Variants in C12orf43 observed in about 807,000 individuals in gnomAD.
C12orf43 encodes the protein chromosome 12 open reading frame 43, also known as protein CUSTOS.
In C12orf43, 15 loss-of-function variants were observed where a neutral mutation model predicts 20.6. That is an observed-to-expected ratio of 0.73 (90% CI 0.49 to 1.12). The LOEUF (loss-of-function observed/expected upper bound fraction) is 1.12, where lower values mean the gene tolerates loss of function less well. Ranked by LOEUF, C12orf43 falls within the 50% of genes most tolerant of loss-of-function variation. The pLI is 0.00. For missense variants in C12orf43, 334 were observed against 344.4 expected (o/e 0.97, Z 0.24); for synonymous variants, 144 against 130.8 (o/e 1.10, Z -0.69).
At chr12:121,013,672 A>G (rs1207410385) in intron 1 of C12orf43, among the ~76,000 whole-genome samples, 1 of 152,220 alleles carries the variant, frequency 6.6e-6, no homozygotes, top group Non-Finnish European at 1.5e-5. Flanking sequence ...TGGATTTAAG[A>G]GCTGTCTCTA....
rs999280434 is a variant in C12orf43, at chr12:121,005,284, A to C, written c.362-191T>G. Among the ~76,000 whole-genome samples, 1 of 152,060 alleles carries C rather than the reference A, an allele frequency of 6.6e-6. No homozygotes were observed. The highest frequency in any genetic ancestry group is 2.4e-5 in the African/African-American group (1 of 41,442). ...AAAAATTTAAAAAAGAAACAATAACAAAAAAACCCAACCAAGCAAACAAAC... is the reference window on the plus strand; with the variant it reads ...AAAAATTTAAAAAAGAAACAATAACCAAAAAACCCAACCAAGCAAACAAAC... On this transcript the variant is annotated intron_variant, in intron 4 of 5. Transcript: ENST00000288757. This position sits in a 1 kb window ranked among gnomAD's most constrained non-coding sequence, Gnocchi z 5.6.
chr12:121,016,485 C>T lies in C12orf43; in HGVS notation c.-11G>A, dbSNP rs771694597. 6.2e-7 allele frequency: 1 copy of T among 1,613,950 alleles called. No homozygotes were observed. The highest frequency in any genetic ancestry group is 1.1e-5 in the South Asian group (1 of 91,082). On this transcript the variant is annotated 5_prime_UTR_variant, in exon 1 of 6. Transcript: ENST00000288757. ...ACTGGGCGCCGCCATCTTGAACCAC[C>T]GCAAAGGATTGTGGAGAACACCGCC...
rs1051007492 is a variant in C12orf43, at chr12:121,006,402, G to C, written c.288-8C>G. 6.2e-7 allele frequency: 1 copy of C among 1,613,174 alleles called. No individual in the cohort carries two copies. The highest frequency in any genetic ancestry group is 1.3e-5 in the African/African-American group (1 of 74,872). On this transcript the variant is annotated splice_polypyrimidine_tract_variant and splice_region_variant and intron_variant, in intron 3 of 5. Transcript: ENST00000288757. ...TCTGAGATGGTAATGAAGCTACAGG[G>C]AGACGAGACGGTTGATTTAAGATGA...
rs1265384749 is a variant in C12orf43, at chr12:121,010,867, C to T, written c.248G>A (p.Arg83Gln). The T allele has an allele frequency of 4.3e-6, 7 of 1,614,068 alleles. No individual in the cohort carries two copies. Among genetic ancestry groups the T allele is most frequent in the African/African-American group, 1.3e-5 (1 of 75,032 alleles). Residue 83 changes from arginine to glutamine, a missense_variant, in exon 3 of 6, where the codon CGA (arginine) becomes CAA (glutamine). Coordinates refer to ENST00000288757, the MANE Select transcript of C12orf43 (RefSeq NM_022895.3). ...TCCCAGCTTCTTGGCTACGTGGGCTCGGAATTCAGGGGTGGTCTGAAGCTC... is the reference window on the plus strand; with the variant it reads ...TCCCAGCTTCTTGGCTACGTGGGCTTGGAATTCAGGGGTGGTCTGAAGCTC... ...GNELQTTPEFRAHVAKKLGAL... is the reference protein window; with the variant it reads ...GNELQTTPEFQAHVAKKLGAL...
intron 1 of C12orf43, chr12:121,012,491 G>A (rs761619920): frequency 1.4e-6 from 1 of 702,502 alleles, no homozygotes; most frequent in South Asian, 1.5e-5. Flanking sequence ...GCAAAGGCAG[G>A]AACACGGAGT....
Position 121,016,437 on chromosome 12 carries a change from C to T in C12orf43, c.38G>A (p.Ser13Asn), listed in dbSNP as rs748136858. The T allele has an allele frequency of 1.5e-5, 25 of 1,613,996 alleles. No individual in the cohort carries two copies. The highest frequency in any genetic ancestry group is 4.4e-5 in the South Asian group (4 of 91,096). Residue 13 changes from serine (S) to asparagine (N), a missense_variant, in exon 1 of 6, where the codon AGT becomes AAT. Ser to Asn is a conservative substitution (Grantham distance 46). Transcript: ENST00000288757. ...APSGTVSDSE[S>N]SNSSSDAEEL... ...CTCCGCATCGCTACTGCTGTTACTA[C>T]TTTCCGAATCGCTCACTGTGCCACT...
At position 121,003,546 on chromosome 12, in the gene C12orf43, A is replaced by G. The variant is rs967841200; in HGVS notation, c.*607T>C. 1 of 152,572 alleles carries G rather than the reference A, an allele frequency of 6.6e-6. No homozygotes were observed. Among genetic ancestry groups the G allele is most frequent in the African/African-American group, 2.4e-5 (1 of 41,450 alleles). The allele number at this position is 152,572 out of a possible 1,614,324, so 9.5% of individuals were successfully genotyped here. On this transcript the variant is annotated 3_prime_UTR_variant, in exon 6 of 6. Transcript: ENST00000288757. ...TGGGTCCTCTGACAATTGAGTTTCCATAATCTGGTCGGCTCAGAGACACCA... is the reference window on the plus strand; with the variant it reads ...TGGGTCCTCTGACAATTGAGTTTCCGTAATCTGGTCGGCTCAGAGACACCA...
rs778047048 is a variant in C12orf43, at chr12:121,006,292, G to T, written c.361+29C>A. 16 of 1,578,676 alleles carry T rather than the reference G, an allele frequency of 1.0e-5. No homozygotes were observed. The South Asian group carries it at 1.6e-4, about 15-fold the overall frequency. Reference sequence around the variant, plus strand: ...GACACACATTAGGTGCTTAATAAATGATAGCTTCTATTAAGTATAACCACT... The same window carrying T: ...GACACACATTAGGTGCTTAATAAATTATAGCTTCTATTAAGTATAACCACT... On this transcript the variant is annotated intron_variant, in intron 4 of 5. Transcript: ENST00000288757.
intron 1 of C12orf43, 28 bp downstream of exon 1, chr12:121,016,302 G>T: frequency 1.2e-6 from 2 of 1,612,794 alleles, no homozygotes; most frequent in Non-Finnish European, 1.7e-6. Flanking sequence ...ACGCCCCTCA[G>T]CCAGTCTCCC....
Position 121,000,972 on chromosome 12 carries a change from C to A in C12orf43, c.*3181G>T. On this transcript the variant is annotated 3_prime_UTR_variant, in exon 6 of 6. Coordinates refer to ENST00000288757, the MANE Select transcript of C12orf43 (RefSeq NM_022895.3). ...TCTGCTGTGATCCAGGAGGTGTGGCCCTGCCTCCCCATCCTGAGTACCCCT... is the reference window on the plus strand; with the variant it reads ...TCTGCTGTGATCCAGGAGGTGTGGCACTGCCTCCCCATCCTGAGTACCCCT... 6.4e-7 allele frequency: 1 copy of A among 1,552,224 alleles called. No homozygotes were observed. The highest frequency in any genetic ancestry group is 8.8e-7 in the Non-Finnish European group (1 of 1,135,138).
At position 121,003,868 on chromosome 12, in the gene C12orf43, T is replaced by C; in HGVS notation, c.*285A>G. ...TAGTCTCAAATAACTGGAAGGTTCC[T>C]TTTTTCCTGAGGTCATGAAATGTTC... On this transcript the variant is annotated 3_prime_UTR_variant, in exon 6 of 6. Coordinates refer to ENST00000288757, the MANE Select transcript of C12orf43 (RefSeq NM_022895.3). 2.0e-6 allele frequency: 1 copy of C among 495,036 alleles called. No homozygotes were observed. The highest frequency in any genetic ancestry group is 2.3e-5 in the South Asian group (1 of 42,718). 30.7% of individuals were successfully genotyped at this position (495,036 alleles called of 1,614,324 possible). A position where few individuals can be genotyped will look rare whatever the true frequency, so the allele number is the denominator to read the frequency against.
In C12orf43 at chr12:121,002,504, C is replaced by T. The variant is rs56335342; in HGVS notation, c.*1649G>A. The T allele has an allele frequency of 7.3e-4, 372 of 509,768 alleles. 1 individual carries two copies. Among genetic ancestry groups the T allele is most frequent in the Non-Finnish European group, 1.2e-3 (319 of 259,796 alleles). 31.6% of individuals were successfully genotyped at this position (509,768 alleles called of 1,614,324 possible). The stretch of plus-strand genomic sequence containing the variant: ...CTTTTAGTAAAGTCAAGGAGAAATG[C>T]GGTGGAAACTTCTTGCTTGTCCACA... On this transcript the variant is annotated 3_prime_UTR_variant, in exon 6 of 6. Transcript: ENST00000288757.
chr12:121,005,218 A>G lies in C12orf43; in HGVS notation c.362-125T>C, dbSNP rs1030775475. 7.8e-6 allele frequency: 4 copies of G among 514,274 alleles called. No individual in the cohort carries two copies. Among genetic ancestry groups the G allele is most frequent in the Non-Finnish European group, 1.2e-5 (4 of 327,758 alleles). The allele number at this position is 514,274 out of a possible 1,614,324, so 31.9% of individuals were successfully genotyped here. ...AAGGAAAACGAAAGAAAGAAAAGAT[A>G]AAGAGAAACAAAAAAAAAATTTTAA... is the stretch of plus-strand genomic sequence containing the variant. On this transcript the variant is annotated intron_variant, in intron 4 of 5. Coordinates refer to ENST00000288757, the MANE Select transcript of C12orf43 (RefSeq NM_022895.3). This position sits in a 1 kb window ranked among gnomAD's most constrained non-coding sequence, Gnocchi z 5.6.
In C12orf43 at chr12:121,005,214, A is replaced by C; in HGVS notation, c.362-121T>G. The C allele has an allele frequency of 7.6e-6, 4 of 524,394 alleles. No individual in the cohort carries two copies. The highest frequency in any genetic ancestry group is 1.2e-5 in the Non-Finnish European group (4 of 336,050). The allele number at this position is 524,394 out of a possible 1,614,324, so 32.5% of individuals were successfully genotyped here. A position where few individuals can be genotyped will look rare whatever the true frequency, so the allele number is the denominator to read the frequency against. On this transcript the variant is annotated intron_variant, in intron 4 of 5. Coordinates refer to ENST00000288757, the MANE Select transcript of C12orf43 (RefSeq NM_022895.3). This position sits in a 1 kb window ranked among gnomAD's most constrained non-coding sequence, Gnocchi z 5.6. The stretch of plus-strand genomic sequence containing the variant: ...TAAAAAGGAAAACGAAAGAAAGAAA[A>C]GATAAAGAGAAACAAAAAAAAAATT...
chr12:121,002,026 C>G lies in C12orf43; in HGVS notation c.*2127G>C. 1.9e-6 allele frequency: 1 copy of G among 536,920 alleles called. No individual in the cohort carries two copies. Among genetic ancestry groups the G allele is most frequent in the Non-Finnish European group, 3.6e-6 (1 of 276,754 alleles). The allele number at this position is 536,920 out of a possible 1,614,324, so 33.3% of individuals were successfully genotyped here. A position where few individuals can be genotyped will look rare whatever the true frequency, so the allele number is the denominator to read the frequency against. ...GGGAGCCTCGCAACCCGTGCCAAGT[C>G]CAGGTCCTGGTGGGGCAGCTCCTCT... On this transcript the variant is annotated 3_prime_UTR_variant, in exon 6 of 6. Transcript: ENST00000288757.
rs2258227 is a variant in C12orf43, at chr12:121,016,454, T to A, written c.21A>T (p.Thr7=). The change falls in exon 1 of 6, where the codon ACA becomes ACT. Residue 7 remains threonine (T), a synonymous_variant. Coordinates refer to ENST00000288757, the MANE Select transcript of C12orf43 (RefSeq NM_022895.3). The part of the protein sequence containing the change: MAAPSG[T]VSDSESSNSS... Reference sequence around the variant, plus strand: ...TGTTACTACTTTCCGAATCGCTCACTGTGCCACTGGGCGCCGCCATCTTGA... The same window carrying A: ...TGTTACTACTTTCCGAATCGCTCACAGTGCCACTGGGCGCCGCCATCTTGA... 0.81 allele frequency: 1,306,595 copies of A among 1,613,952 alleles called. 531,618 individuals are homozygous for A. Among genetic ancestry groups the A allele is most frequent in the Admixed American group, 0.91 (54,499 of 60,026 alleles).
chr12:121,003,944 C>T lies in C12orf43; in HGVS notation c.*209G>A. On this transcript the variant is annotated 3_prime_UTR_variant, in exon 6 of 6. Coordinates refer to ENST00000288757, the MANE Select transcript of C12orf43 (RefSeq NM_022895.3). ...CTCCGTGGGAGCACAGAGGGGCAGG[C>T]CTTGATTGGTCTTCTCACCCTACAG... The T allele has an allele frequency of 1.6e-6, 1 of 612,400 alleles. No individual in the cohort carries two copies. The highest frequency in any genetic ancestry group is 2.9e-6 in the Non-Finnish European group (1 of 344,054). The allele number at this position is 612,400 out of a possible 1,614,324, so 37.9% of individuals were successfully genotyped here. A position where few individuals can be genotyped will look rare whatever the true frequency, so the allele number is the denominator to read the frequency against.
Position 121,004,720 on chromosome 12 carries a change from A to G in C12orf43, c.453-231T>C, listed in dbSNP as rs1446520427. ...ACCTCTCTGACTGTATCATCTCTAA[A>G]ACGGGGATCTTAACAGAGTCCAGGC... On this transcript the variant is annotated intron_variant, in intron 5 of 5. Coordinates refer to ENST00000288757, the MANE Select transcript of C12orf43 (RefSeq NM_022895.3). The surrounding 1 kb of genome is among the most constrained non-coding windows in gnomAD (Gnocchi z 5.6). Among the ~76,000 whole-genome samples, 1 of 152,128 alleles carries G rather than the reference A, an allele frequency of 6.6e-6. No individual in the cohort carries two copies. The highest frequency in any genetic ancestry group is 1.5e-5 in the Non-Finnish European group (1 of 68,008).
In C12orf43 at chr12:121,004,817, G is replaced by A. The variant is rs1006067999; in HGVS notation, c.452+186C>T. 6.6e-6 allele frequency among the ~76,000 whole-genome samples: 1 copy of A among 152,230 alleles called. No homozygotes were observed. Among genetic ancestry groups the A allele is most frequent in the East Asian group, 1.9e-4 (1 of 5,200 alleles). On this transcript the variant is annotated intron_variant, in intron 5 of 5. Coordinates refer to ENST00000288757, the MANE Select transcript of C12orf43 (RefSeq NM_022895.3). The surrounding 1 kb of genome is among the most constrained non-coding windows in gnomAD (Gnocchi z 5.6). ...GGCCCAAGACAGGTGCTCAAAAGCAGTAAACATCCAAAGCTGCCGCCAAGA... is the reference window on the plus strand; with the variant it reads ...GGCCCAAGACAGGTGCTCAAAAGCAATAAACATCCAAAGCTGCCGCCAAGA...
Sources: allele counts gnomAD v4.1 joint callset (sites outside exome capture counted in the v4.1 genomes callset), GRCh38; gene constraint gnomAD v4.1.1; non-coding constraint Gnocchi (gnomAD v3.1); transcripts MANE v1.5; gene names NCBI Gene and HGNC (gene_info 2026-07-23, HGNC 2026-07-21).